TMEM117: variants seen among roughly 807,000 people sequenced by gnomAD.
TMEM117 encodes transmembrane protein 117.
A neutral mutation model predicts 52.4 loss-of-function variants in TMEM117; 27 were observed. The ratio of observed to expected loss-of-function variants is 0.51; its 90% confidence interval spans 0.38 to 0.71. TMEM117 has a LOEUF of 0.71. Ranked by LOEUF, TMEM117 falls within the 30% of genes least tolerant of loss-of-function variation. The pLI, the probability that TMEM117 is intolerant of heterozygous loss-of-function variation, is 0.00. For missense variants in TMEM117, 556 were observed against 630.5 expected (o/e 0.88, Z 1.26); for synonymous variants, 215 against 206.3 (o/e 1.04, Z -0.36).
intron 3 of TMEM117, among the ~76,000 whole-genome samples, chr12:43,967,125 T>A (rs1478219059): frequency 2.7e-5 from 1 of 36,716 alleles, no homozygotes; most frequent in Non-Finnish European, 6.5e-5. Flanking sequence ...CCATGTTACT[T>A]CTTCTTCTTT....
intron 5 of TMEM117, among the ~76,000 whole-genome samples, chr12:44,265,214 A>G (rs1950363384): frequency 6.6e-6 from 1 of 152,198 alleles, no homozygotes; most frequent in Non-Finnish European, 1.5e-5. Flanking sequence ...CAAAGGCTGC[A>G]CAGCAGAAAG....
At chr12:44,033,669 G>A (rs1341069596) in intron 3 of TMEM117, among the ~76,000 whole-genome samples, 4 of 152,158 alleles carry the variant, frequency 2.6e-5, no homozygotes, top group African/African-American at 9.7e-5. Context: ...TGGTCATCAG[G>A]CTTTTGGATA....
chr12:44,337,037 T>G (rs762005045), intron 6 of TMEM117, among the ~76,000 whole-genome samples: 19 of 152,072 alleles, frequency 1.2e-4, no homozygotes, highest in Non-Finnish European at 2.5e-4. Flanking sequence ...CTCTTTTGTG[T>G]GTAATATTCC....
At chr12:44,248,026 G>C (rs1231822696) in intron 5 of TMEM117, among the ~76,000 whole-genome samples, 5 of 152,206 alleles carry the variant, frequency 3.3e-5, no homozygotes, top group Non-Finnish European at 7.3e-5. Context: ...TATGCTAACA[G>C]CTTCCAGTTT....
chr12:44,204,157 T>C (rs1230729410), intron 4 of TMEM117, among the ~76,000 whole-genome samples: 1 of 152,086 alleles, frequency 6.6e-6, no homozygotes, highest in Non-Finnish European at 1.5e-5. Flanking sequence ...TCTCAGACAA[T>C]ATGATTCTAT....
chr12:43,953,632 A>G (rs1207888844), intron 3 of TMEM117, among the ~76,000 whole-genome samples: 1 of 152,226 alleles, frequency 6.6e-6, no homozygotes, highest in Admixed American at 6.5e-5. Context: ...CCAATACAGG[A>G]GCACCCAGAT....
At position 44,138,674 on chromosome 12, in the gene TMEM117, A is replaced by G. The variant is rs75078561; in HGVS notation, c.411-4851A>G. ...TTTTAATCATTACAGGCTACAGCTAACAATTGTCTGCAGCTTTTTTGTGAC... is the reference window on the plus strand; with the variant it reads ...TTTTAATCATTACAGGCTACAGCTAGCAATTGTCTGCAGCTTTTTTGTGAC... On this transcript the variant is annotated intron_variant, in intron 3 of 7. Transcript: ENST00000266534. Among the ~76,000 whole-genome samples, 434 of 152,290 alleles carry G rather than the reference A, an allele frequency of 2.8e-3. 8 individuals carry two copies. In the East Asian group the frequency reaches 0.057, roughly 20 times the overall value.
intron 3 of TMEM117, among the ~76,000 whole-genome samples, chr12:43,954,884 T>G (rs528864783): frequency 6.6e-6 from 1 of 152,216 alleles, no homozygotes; most frequent in South Asian, 2.1e-4. Flanking sequence ...AAATTCACAA[T>G]AAAATATTGG....
At chr12:44,062,429 A>G (rs937066063) in intron 3 of TMEM117, among the ~76,000 whole-genome samples, 5 of 152,208 alleles carry the variant, frequency 3.3e-5, no homozygotes, top group East Asian at 3.8e-4. Flanking sequence ...TAAAGTATCT[A>G]TATAGATGTG....
At chr12:44,073,102 A>C (rs1445390055) in intron 3 of TMEM117, among the ~76,000 whole-genome samples, 1 of 151,598 alleles carries the variant, frequency 6.6e-6, no homozygotes, top group Non-Finnish European at 1.5e-5. Context: ...CAAAAAAAAA[A>C]ACAACAAAAA....
At position 44,153,523 on chromosome 12, in the gene TMEM117, G is replaced by A. The variant is rs899977380; in HGVS notation, c.510+9899G>A. ...ACCATCACGTCTCAGCCAAACTGTTGATTTTCAACTTTAGAAAATTCCTAA... is the reference window on the plus strand; with the variant it reads ...ACCATCACGTCTCAGCCAAACTGTTAATTTTCAACTTTAGAAAATTCCTAA... On this transcript the variant is annotated intron_variant, in intron 4 of 7. Transcript: ENST00000266534. Among the ~76,000 whole-genome samples, 3 of 151,854 alleles carry A rather than the reference G, an allele frequency of 2.0e-5. No homozygotes were observed. The East Asian group carries it at 5.8e-4, about 29-fold the overall frequency.
rs555060363 is a variant in TMEM117, at chr12:44,194,920, G to A, written c.511-16370G>A. Among the ~76,000 whole-genome samples the A allele has an allele frequency of 9.9e-5, 15 of 152,282 alleles. No homozygotes were observed. In the East Asian group the frequency reaches 2.5e-3, roughly 25 times the overall value. On this transcript the variant is annotated intron_variant, in intron 4 of 7. Coordinates refer to ENST00000266534, the MANE Select transcript of TMEM117 (RefSeq NM_032256.3). Reference sequence around the variant, plus strand: ...TGAAGTGGTAGAAAAAATTATGTTAGTAAGCACAATTAATGTAATTTTTCT... The same window carrying A: ...TGAAGTGGTAGAAAAAATTATGTTAATAAGCACAATTAATGTAATTTTTCT...
intron 5 of TMEM117, among the ~76,000 whole-genome samples, chr12:44,295,700 T>G (rs1950760334): frequency 6.6e-6 from 1 of 152,090 alleles, no homozygotes; most frequent in Non-Finnish European, 1.5e-5. Flanking sequence ...TGGTTTCTAT[T>G]TTTTATGAAC....
chr12:44,189,809 A>C (rs1482258039), intron 4 of TMEM117, among the ~76,000 whole-genome samples: 1 of 152,248 alleles, frequency 6.6e-6, no homozygotes, highest in Non-Finnish European at 1.5e-5. Flanking sequence ...TATAGAAAAA[A>C]ATAGTTTTAT....
At chr12:44,024,404 T>C (rs965311119) in intron 3 of TMEM117, among the ~76,000 whole-genome samples, 1 of 152,198 alleles carries the variant, frequency 6.6e-6, no homozygotes, top group Non-Finnish European at 1.5e-5. Context: ...ACAGTACTTA[T>C]TTCTGTGATG....
chr12:44,354,496 A>C (rs1263871843), intron 6 of TMEM117, among the ~76,000 whole-genome samples: 1 of 152,128 alleles, frequency 6.6e-6, no homozygotes, highest in Non-Finnish European at 1.5e-5. Context: ...CATCCCTGGG[A>C]TGCAAGGCTG....
At chr12:44,046,905 T>C (rs1026853204) in intron 3 of TMEM117, among the ~76,000 whole-genome samples, 2 of 152,194 alleles carry the variant, frequency 1.3e-5, no homozygotes, top group African/African-American at 4.8e-5. Flanking sequence ...TGAAGGATAA[T>C]TGTATTATGT....
In TMEM117 at chr12:44,177,751, T is replaced by C. The variant is rs139638041; in HGVS notation, c.511-33539T>C. On this transcript the variant is annotated intron_variant, in intron 4 of 7. Transcript: ENST00000266534. ...GTAGTTTCTCAGTTTAGGAGGAGAA[T>C]TTCATGATTATTTTGTTAATTTCAG... is the stretch of plus-strand genomic sequence containing the variant. Among the ~76,000 whole-genome samples, 3 of 152,182 alleles carry C rather than the reference T, an allele frequency of 2.0e-5. No homozygotes were observed. In the South Asian group the frequency reaches 6.2e-4, roughly 32 times the overall value.
chr12:43,806,408 C>T, the TMEM117 span: 1 of 1,155,794 alleles, frequency 8.7e-7, no homozygotes, highest in Non-Finnish European at 1.1e-6. Context: ...AGCGTCCCCG[C>T]CGCCCCGCCG....
Sources: allele counts gnomAD v4.1 joint callset (sites outside exome capture counted in the v4.1 genomes callset), GRCh38; gene constraint gnomAD v4.1.1; transcripts MANE v1.5; gene names NCBI Gene and HGNC (gene_info 2026-07-23, HGNC 2026-07-21).